MAP2K5: variants seen among roughly 807,000 people sequenced by gnomAD.
The protein encoded by MAP2K5 is mitogen-activated protein kinase kinase 5.
A neutral mutation model predicts 83.1 loss-of-function variants in MAP2K5; 49 were observed. The observed-to-expected ratio is 0.59, with a 90% CI of 0.47 to 0.75. The LOEUF is 0.75. MAP2K5 is among the 30% of genes least tolerant of loss of function. The pLI is 0.00. For missense variants in MAP2K5, 457 were observed against 557.5 expected, an observed-to-expected ratio of 0.82 and a Z score of 1.82; for synonymous variants, 202 against 191.8, an observed-to-expected ratio of 1.05 and a Z score of -0.44.
chr15:67,554,979 G>A (rs9652480), intron 2 of MAP2K5, among the ~76,000 whole-genome samples: 44,651 of 152,028 alleles, frequency 0.29, 8,385 homozygotes, highest in Non-Finnish European at 0.43. Context: ...GACCCAAGGG[G>A]GTCAAACCTG....
chr15:67,562,272 A>G lies in MAP2K5; in HGVS notation c.185-1011A>G, dbSNP rs1221559172. ...TATAGAAGGATGAAGAGTTAACTAT[A>G]TATTTGGAAATAGCCATAAGTCATT... is the stretch of plus-strand genomic sequence containing the variant. On this transcript the variant is annotated intron_variant, in intron 2 of 21. Coordinates refer to ENST00000178640, the MANE Select transcript of MAP2K5 (RefSeq NM_145160.3). This position sits in a 1 kb window ranked among gnomAD's most constrained non-coding sequence, Gnocchi z 4.1. 1.3e-5 allele frequency among the ~76,000 whole-genome samples: 2 copies of G among 152,200 alleles called. No individual in the cohort carries two copies. Among genetic ancestry groups the G allele is most frequent in the Non-Finnish European group, 1.5e-5 (1 of 68,030 alleles).
At position 67,769,766 on chromosome 15, in the gene MAP2K5, G is replaced by T; in HGVS notation, c.1196+103G>T. 5 of 1,131,000 alleles carry T rather than the reference G, an allele frequency of 4.4e-6. No homozygotes were observed. Among genetic ancestry groups the T allele is most frequent in the Non-Finnish European group, 6.6e-6 (5 of 762,204 alleles). 70.1% of individuals were successfully genotyped at this position (1,131,000 alleles called of 1,614,324 possible). ...ATGGCTCTCCCTGCATCCTTTTGGA[G>T]ACAGGAGGGACTTCGGGGCCTTGGG... On this transcript the variant is annotated intron_variant, in intron 20 of 21. Coordinates refer to ENST00000178640, the MANE Select transcript of MAP2K5 (RefSeq NM_145160.3). The surrounding 1 kb of genome is among the most constrained non-coding windows in gnomAD (Gnocchi z 5.2).
chr15:67,696,129 T>C (rs2088249269), intron 15 of MAP2K5, among the ~76,000 whole-genome samples: 1 of 164 alleles, frequency 6.1e-3, no homozygotes. Flanking sequence ...GAGCTGAGCT[T>C]TTTTTTTTTT....
In MAP2K5 at chr15:67,644,401, A is replaced by G. The variant is rs1197412994; in HGVS notation, c.586-1830A>G. The stretch of plus-strand genomic sequence containing the variant: ...AGGGCAGGACTCCATCTCTAAATAA[A>G]TAAATAAATAAATAAAACAATTACT... On this transcript the variant is annotated intron_variant, in intron 9 of 21. Coordinates refer to ENST00000178640, the MANE Select transcript of MAP2K5 (RefSeq NM_145160.3). The surrounding 1 kb of genome is among the most constrained non-coding windows in gnomAD (Gnocchi z 4.6). 1.3e-5 allele frequency among the ~76,000 whole-genome samples: 2 copies of G among 152,172 alleles called. No homozygotes were observed. The highest frequency in any genetic ancestry group is 1.3e-4 in the Admixed American group (2 of 15,280).
rs184571699 is a variant in MAP2K5 at position 67,693,060 on chromosome 15, C to G, written c.922-458C>G. On this transcript the variant is annotated intron_variant, in intron 14 of 21. Transcript: ENST00000178640. ...GCAGCCACCTTTACTCCCAGCCAAA[C>G]ACGAAGACCAAAGCGAAGGTCATCG... is the stretch of plus-strand genomic sequence containing the variant. 3.7e-4 allele frequency among the ~76,000 whole-genome samples: 56 copies of G among 152,304 alleles called. 1 individual carries two copies. Among genetic ancestry groups the G allele is most frequent in the Non-Finnish European group, 1.5e-4 (10 of 68,020 alleles).
chr15:67,645,038 C>G (rs545514852), intron 9 of MAP2K5, among the ~76,000 whole-genome samples: 1 of 152,020 alleles, frequency 6.6e-6, no homozygotes, highest in African/African-American at 2.4e-5. Flanking sequence ...ATCCCAGCTA[C>G]TCAGGAGGCT....
In MAP2K5 at chr15:67,644,880, G is replaced by T. The variant is rs1018013081; in HGVS notation, c.586-1351G>T. On this transcript the variant is annotated intron_variant, in intron 9 of 21. Coordinates refer to ENST00000178640, the MANE Select transcript of MAP2K5 (RefSeq NM_145160.3). This position sits in a 1 kb window ranked among gnomAD's most constrained non-coding sequence, Gnocchi z 4.6. ...AATGTTATTTTTGGCTGGGCATGGT[G>T]GCTTACGCTTGTAATCCCAGAACTT... Among the ~76,000 whole-genome samples the T allele has an allele frequency of 2.6e-5, 4 of 152,176 alleles. No individual in the cohort carries two copies. The East Asian group carries it at 7.7e-4, about 29-fold the overall frequency.
rs920593063 is a variant in MAP2K5 at position 67,801,765 on chromosome 15, G to A, written c.1243-4881G>A. On this transcript the variant is annotated intron_variant, in intron 21 of 21. Transcript: ENST00000178640. The surrounding 1 kb of genome is among the most constrained non-coding windows in gnomAD (Gnocchi z 4.8). ...CTCAGTAAGTAGATGTATACATACA[G>A]AATATAGAAGTCACCTTTTCATGAG... Among the ~76,000 whole-genome samples the A allele has an allele frequency of 6.6e-6, 1 of 152,192 alleles. No individual in the cohort carries two copies. Among genetic ancestry groups the A allele is most frequent in the African/African-American group, 2.4e-5 (1 of 41,448 alleles).
Position 67,743,307 on chromosome 15 carries a change from C to T in MAP2K5, c.1075-4924C>T, listed in dbSNP as rs546733520. On this transcript the variant is annotated intron_variant, in intron 17 of 21. Coordinates refer to ENST00000178640, the MANE Select transcript of MAP2K5 (RefSeq NM_145160.3). ...AGCTGCCTGCTAAATCTTCCTGTGA[C>T]TTTTTTAGGTCCTGTGAAAATATAC... Among the ~76,000 whole-genome samples, 3 of 152,240 alleles carry T rather than the reference C, an allele frequency of 2.0e-5. No homozygotes were observed. In the South Asian group the frequency reaches 6.2e-4, roughly 32 times the overall value.
rs552831495 is a variant in MAP2K5, at chr15:67,780,720, A to G, written c.1242+7968A>G. ...CTAGGTTAGAAAATTTGGTGCCAAAATAATAAAATTTCTAGGATGTTCCAA... is the reference window on the plus strand; with the variant it reads ...CTAGGTTAGAAAATTTGGTGCCAAAGTAATAAAATTTCTAGGATGTTCCAA... On this transcript the variant is annotated intron_variant, in intron 21 of 21. Transcript: ENST00000178640. The surrounding 1 kb of genome is among the most constrained non-coding windows in gnomAD (Gnocchi z 5.0). Among the ~76,000 whole-genome samples the G allele has an allele frequency of 6.6e-6, 1 of 152,362 alleles. No individual in the cohort carries two copies. The highest frequency in any genetic ancestry group is 1.5e-5 in the Non-Finnish European group (1 of 68,028).
chr15:67,762,891 T>G (rs917711671), intron 19 of MAP2K5, among the ~76,000 whole-genome samples: 1 of 152,170 alleles, frequency 6.6e-6, no homozygotes, highest in Non-Finnish European at 1.5e-5. Context: ...TACCCCGTGG[T>G]TCCAGGCCCA....
chr15:67,718,470 A>C (rs2088877419), intron 16 of MAP2K5, among the ~76,000 whole-genome samples: 1 of 152,128 alleles, frequency 6.6e-6, no homozygotes, highest in Non-Finnish European at 1.5e-5. Context: ...ATTTTTAAAA[A>C]ATTTTTATGG....
intron 2 of MAP2K5, among the ~76,000 whole-genome samples, chr15:67,553,318 A>G (rs1434728501): frequency 6.6e-6 from 1 of 152,220 alleles, no homozygotes; most frequent in Non-Finnish European, 1.5e-5. Flanking sequence ...TGTTAAGTGT[A>G]AATATAGATA....
chr15:67,749,342 A>G lies in MAP2K5; in HGVS notation c.1134+741A>G, dbSNP rs938815364. Among the ~76,000 whole-genome samples the G allele has an allele frequency of 1.1e-4, 17 of 152,208 alleles. No individual in the cohort carries two copies. Among genetic ancestry groups the G allele is most frequent in the Admixed American group, 7.9e-4 (12 of 15,282 alleles). On this transcript the variant is annotated intron_variant, in intron 19 of 21. Coordinates refer to ENST00000178640, the MANE Select transcript of MAP2K5 (RefSeq NM_145160.3). The surrounding 1 kb of genome is among the most constrained non-coding windows in gnomAD (Gnocchi z 4.6). ...CACAAGGCTTTCAAGAAACATTAAC[A>G]TTTTCTTTAAAAACTGAGATTTTTG...
At chr15:67,548,924 AAAG>A in intron 1 of MAP2K5, 3 of 879,972 alleles carry the variant, frequency 3.4e-6, no homozygotes, top group Non-Finnish European at 4.7e-6. Flanking sequence ...AAAAAAAAAA[AAAG>A]CACTATAGAG....
intron 7 of MAP2K5, 116 bp from the exon 8 acceptor site, chr15:67,600,569 G>T: frequency 1.4e-6 from 1 of 711,250 alleles, no homozygotes. Context: ...TCTCGTTTTT[G>T]CAGCTGAACT....
In MAP2K5 at chr15:67,774,848, C is replaced by T. The variant is rs966837929; in HGVS notation, c.1242+2096C>T. Reference sequence around the variant, plus strand: ...GGGTACCAGCATGGGCTGCATGGGCCGCTTCAAATGTGAGGCCTGCAGGAT... The same window carrying T: ...GGGTACCAGCATGGGCTGCATGGGCTGCTTCAAATGTGAGGCCTGCAGGAT... On this transcript the variant is annotated intron_variant, in intron 21 of 21. Transcript: ENST00000178640. The surrounding 1 kb of genome is among the most constrained non-coding windows in gnomAD (Gnocchi z 4.9). Among the ~76,000 whole-genome samples, 6 of 152,192 alleles carry T rather than the reference C, an allele frequency of 3.9e-5. No homozygotes were observed. The highest frequency in any genetic ancestry group is 6.5e-5 in the Admixed American group (1 of 15,276).
At position 67,790,137 on chromosome 15, in the gene MAP2K5, G is replaced by A. The variant is rs1459881445; in HGVS notation, c.1243-16509G>A. ...AAAAAAGCAGGCTTGGAAATTGCAA[G>A]GCAGAGCTGGATTGAACTTCCTTTA... On this transcript the variant is annotated intron_variant, in intron 21 of 21. Coordinates refer to ENST00000178640, the MANE Select transcript of MAP2K5 (RefSeq NM_145160.3). The surrounding 1 kb of genome is among the most constrained non-coding windows in gnomAD (Gnocchi z 4.6). Among the ~76,000 whole-genome samples, 1 of 151,842 alleles carries A rather than the reference G, an allele frequency of 6.6e-6. No individual in the cohort carries two copies. The highest frequency in any genetic ancestry group is 2.4e-5 in the African/African-American group (1 of 41,368).
intron 3 of MAP2K5, among the ~76,000 whole-genome samples, chr15:67,576,131 G>A (rs562561513): frequency 6.9e-6 from 1 of 145,706 alleles, no homozygotes; most frequent in African/African-American, 2.5e-5. Context: ...TGGCCAGGCT[G>A]GTCTTGAACT....
Sources: allele counts gnomAD v4.1 joint callset (sites outside exome capture counted in the v4.1 genomes callset), GRCh38; gene constraint gnomAD v4.1.1; non-coding constraint Gnocchi (gnomAD v3.1); transcripts MANE v1.5; gene names NCBI Gene and HGNC (gene_info 2026-07-23, HGNC 2026-07-21).